Variants in ANK3 observed in about 807,000 individuals in gnomAD.
ANK3 encodes the protein ankyrin-3.
A neutral mutation model predicts 370.9 loss-of-function variants in ANK3; 57 were observed. The ratio of observed to expected loss-of-function variants is 0.15; its 90% confidence interval spans 0.12 to 0.19. ANK3 has a LOEUF of 0.19. Among genes scored for constraint, ANK3 ranks in the 10% least tolerant of loss-of-function variants. The pLI is 1.00. For missense variants in ANK3, 4,439 were observed against 5,302.1 expected (o/e 0.84, Z 5.06); for synonymous variants, 1,929 against 1,946.3 (o/e 0.99, Z 0.23).
At chr10:60,409,138 G>T in intron 2 of ANK3, among the ~76,000 whole-genome samples, 1 of 152,114 alleles carries the variant, frequency 6.6e-6, no homozygotes, top group African/African-American at 2.4e-5. Flanking sequence ...CTGCAGTGAG[G>T]GTTACAGCTG....
intron 2 of ANK3, among the ~76,000 whole-genome samples, chr10:60,579,350 A>G (rs987993358): frequency 8.3e-4 from 122 of 147,662 alleles, no homozygotes; most frequent in Non-Finnish European, 1.6e-3. Context: ...AAAAAAAAAA[A>G]GATATTTCTA....
intron 1 of ANK3, among the ~76,000 whole-genome samples, chr10:60,320,092 TAGA>T (rs2132885911): frequency 6.6e-6 from 1 of 152,336 alleles, no homozygotes; most frequent in East Asian, 1.9e-4. Flanking sequence ...TTTCCTGGAT[TAGA>T]AGGAGCTGGG....
At position 60,076,419 on chromosome 10, in the gene ANK3, G is replaced by A. The variant is rs1308715194; in HGVS notation, c.4462C>T (p.Leu1488Phe). 1 of 1,611,700 alleles carries A rather than the reference G, an allele frequency of 6.2e-7. No individual in the cohort carries two copies. Among genetic ancestry groups the A allele is most frequent in the Admixed American group, 1.7e-5 (1 of 59,710 alleles). The change falls in exon 37 of 44, where the codon CTC becomes TTC. Residue 1488 changes from leucine (L) to phenylalanine (F), a missense_variant. Transcript: ENST00000280772. ...GGCTTGTATGAGTAAGTGGTGGGGA[G>A]GGATCTTGTTGCTCCTGTACTCCGT... is the stretch of plus-strand genomic sequence containing the variant. The part of the protein sequence containing the change: ...IERSTGATRS[L>F]PTTYSYKPFF...
chr10:60,680,401 C>T (rs1298532511), intron 1 of ANK3, among the ~76,000 whole-genome samples: 2 of 152,184 alleles, frequency 1.3e-5, no homozygotes, highest in African/African-American at 4.8e-5. Context: ...GCAGTGGGGA[C>T]TGCAGAGGCC....
chr10:60,068,380 C>T (rs932211564), intron 37 of ANK3, among the ~76,000 whole-genome samples: 15 of 152,182 alleles, frequency 9.9e-5, no homozygotes, highest in African/African-American at 3.6e-4. Flanking sequence ...GGTTGTTCAT[C>T]TTGAATGACA....
intron 42 of ANK3, among the ~76,000 whole-genome samples, chr10:60,052,092 G>GGCTC (rs767534265): frequency 5.3e-5 from 8 of 152,146 alleles, no homozygotes; most frequent in Non-Finnish European, 1.0e-4. Context: ...TGGGCACGGT[G>GGCTC]GCTCACACCT....
intron 2 of ANK3, among the ~76,000 whole-genome samples, chr10:60,427,552 A>G (rs1472250002): frequency 1.3e-5 from 2 of 152,150 alleles, no homozygotes; most frequent in African/African-American, 4.8e-5. Context: ...CAGGAGTTCA[A>G]ACTTGGTAAG....
In ANK3 at chr10:60,040,870, C is replaced by G. The variant is rs113423903; in HGVS notation, c.*19+1802G>C. On this transcript the variant is annotated intron_variant, in intron 43 of 43. Transcript: ENST00000280772. ...AGATGACTGACCTCTTTTCTACTTTCGTTTCATTTTTCACTTAGAATTGCA... is the reference window on the plus strand; with the variant it reads ...AGATGACTGACCTCTTTTCTACTTTGGTTTCATTTTTCACTTAGAATTGCA... Among the ~76,000 whole-genome samples, 91 of 152,226 alleles carry G rather than the reference C, an allele frequency of 6.0e-4. 4 individuals are homozygous for G. Among genetic ancestry groups the G allele is most frequent in the African/African-American group, 2.1e-3 (87 of 41,538 alleles).
rs1178363583 is a variant in ANK3 at position 60,073,415 on chromosome 10, C to T, written c.7466G>A (p.Gly2489Glu). ...DTEESVTDHA[G>E]PPSSELQGSD... ...CCCCTGTAACTCTGAGCTAGGGGGTCCTGCATGGTCTGTAACCGATTCCTC... is the reference window on the plus strand; with the variant it reads ...CCCCTGTAACTCTGAGCTAGGGGGTTCTGCATGGTCTGTAACCGATTCCTC... The change falls in exon 37 of 44, where the codon GGA (glycine) becomes GAA (glutamate). Residue 2489 changes from glycine to glutamate, a missense_variant. Transcript: ENST00000280772. 6 of 1,613,712 alleles carry T rather than the reference C, an allele frequency of 3.7e-6. No individual in the cohort carries two copies. In the African/African-American group the frequency reaches 4.0e-5, roughly 11 times the overall value.
intron 2 of ANK3, among the ~76,000 whole-genome samples, chr10:60,603,384 G>A (rs748396766): frequency 5.3e-5 from 8 of 152,086 alleles, no homozygotes; most frequent in Non-Finnish European, 1.2e-4. Flanking sequence ...ATGCAATGAA[G>A]TGCTAAATAT....
chr10:60,638,401 A>T (rs2078584233), intron 1 of ANK3, among the ~76,000 whole-genome samples: 2 of 152,142 alleles, frequency 1.3e-5, no homozygotes, highest in African/African-American at 4.8e-5. Flanking sequence ...GATTAAACTG[A>T]TCTGCAAGTA....
intron 2 of ANK3, among the ~76,000 whole-genome samples, chr10:60,496,331 CAG>C (rs951337152): frequency 1.3e-5 from 2 of 152,144 alleles, no homozygotes; most frequent in African/African-American, 4.8e-5. Flanking sequence ...CTACTCATAA[CAG>C]ACTCTGTAGT....
At chr10:60,099,263 T>A (rs1222871915) in intron 28 of ANK3, among the ~76,000 whole-genome samples, 1 of 152,152 alleles carries the variant, frequency 6.6e-6, no homozygotes, top group East Asian at 1.9e-4. Context: ...GGGGGGCATA[T>A]GCCTGACACA....
intron 23 of ANK3, chr10:60,140,576 A>G: frequency 7.2e-7 from 1 of 1,385,518 alleles, no homozygotes. Flanking sequence ...GAGTTCGAAG[A>G]TTTTCAAAAT....
chr10:60,209,796 AAAAATCCCAC>A (rs1187385371), intron 9 of ANK3, among the ~76,000 whole-genome samples: 1 of 152,244 alleles, frequency 6.6e-6, no homozygotes, highest in East Asian at 1.9e-4. Flanking sequence ...GAACAAACAA[AAAAATCCCAC>A]AAAATCTGAG....
chr10:60,638,939 G>A (rs1450297980), intron 1 of ANK3, among the ~76,000 whole-genome samples: 1 of 15,940 alleles, frequency 6.3e-5, no homozygotes, highest in African/African-American at 1.7e-4. Flanking sequence ...TCAAAGAAAG[G>A]GGGGAGAAGT....
chr10:60,283,277 C>G (rs1252757125), intron 1 of ANK3, among the ~76,000 whole-genome samples: 1 of 151,294 alleles, frequency 6.6e-6, no homozygotes, highest in Non-Finnish European at 1.5e-5. Flanking sequence ...TGGGTTGTAT[C>G]TCACTGCCGT....
At chr10:60,697,370 C>T (rs1381243116) in intron 1 of ANK3, among the ~76,000 whole-genome samples, 2,269 of 151,750 alleles carry the variant, frequency 0.015, 37 homozygotes, top group Non-Finnish European at 0.022. Context: ...ATCAAGCTAC[C>T]AATGACTTTC....
At chr10:60,456,442 A>C (rs1194027519) in intron 2 of ANK3, among the ~76,000 whole-genome samples, 4 of 152,156 alleles carry the variant, frequency 2.6e-5, no homozygotes, top group Non-Finnish European at 4.4e-5. Context: ...ACACCAATCA[A>C]TGGTTTTTCA....
Sources: allele counts gnomAD v4.1 joint callset (sites outside exome capture counted in the v4.1 genomes callset), GRCh38; gene constraint gnomAD v4.1.1; transcripts MANE v1.5; gene names NCBI Gene and HGNC (gene_info 2026-07-23, HGNC 2026-07-21).